The following DLGAP1 variants were observed in gnomAD, a reference collection of about 807,000 sequenced individuals.
The protein encoded by DLGAP1 is DLG associated protein 1, also known as disks large-associated protein 1.
Under a neutral mutation model 90.8 loss-of-function variants are expected in DLGAP1, and 11 were observed. The observed-to-expected ratio is 0.12, with a 90% CI of 0.08 to 0.20. The LOEUF (loss-of-function observed/expected upper bound fraction) is 0.20, where lower values mean the gene tolerates loss of function less well. DLGAP1 is among the 10% of genes least tolerant of loss of function. DLGAP1 has a pLI of 1.00. For missense variants in DLGAP1, 1,050 were observed against 1,333.8 expected (o/e 0.79, Z 3.31); for synonymous variants, 558 against 540.7 (o/e 1.03, Z -0.44).
At chr18:3,994,045 C>G (rs565025881) in intron 3 of DLGAP1, among the ~76,000 whole-genome samples, 5 of 152,230 alleles carry the variant, frequency 3.3e-5, no homozygotes, top group African/African-American at 1.2e-4. Flanking sequence ...CAGAGACCCC[C>G]TTGAAGCGTA....
At chr18:3,813,457 T>A (rs1420257430) in intron 5 of DLGAP1, among the ~76,000 whole-genome samples, 1 of 152,206 alleles carries the variant, frequency 6.6e-6, no homozygotes, top group East Asian at 1.9e-4. Context: ...TCTCAGAATG[T>A]AGCTCCGTCC....
intron 5 of DLGAP1, among the ~76,000 whole-genome samples, chr18:3,755,110 C>A (rs1187694371): frequency 2.0e-5 from 3 of 151,874 alleles, no homozygotes; most frequent in Non-Finnish European, 4.4e-5. Flanking sequence ...ATATTGTAAT[C>A]TCTGGAGTAA....
intron 7 of DLGAP1, among the ~76,000 whole-genome samples, chr18:3,663,375 G>A (rs2146629834): frequency 6.6e-6 from 1 of 152,280 alleles, no homozygotes; most frequent in South Asian, 2.1e-4. Flanking sequence ...TGAATAATTT[G>A]TGTCCAGAGG....
At chr18:4,437,678 T>C (rs547624818) in intron 1 of DLGAP1, among the ~76,000 whole-genome samples, 2 of 152,318 alleles carry the variant, frequency 1.3e-5, no homozygotes, top group South Asian at 2.1e-4. Flanking sequence ...GACTGTACAT[T>C]ATGCTGGTAT....
chr18:3,741,043 TCACCACCACCACCATCACCACCAC>T (rs1568047867), intron 6 of DLGAP1, among the ~76,000 whole-genome samples: 27 of 20,208 alleles, frequency 1.3e-3, no homozygotes, highest in African/African-American at 5.1e-3. Context: ...CACCATCACC[TCACCACCACCACCATCACCACCAC>T]CACCACCACC....
chr18:3,898,559 T>C (rs1268386950), intron 3 of DLGAP1, among the ~76,000 whole-genome samples: 1 of 152,114 alleles, frequency 6.6e-6, no homozygotes, highest in Non-Finnish European at 1.5e-5. Flanking sequence ...CTCAACACAG[T>C]GATGGGATGT....
At chr18:4,390,081 T>G (rs10084008) in intron 1 of DLGAP1, among the ~76,000 whole-genome samples, 6,431 of 152,168 alleles carry the variant, frequency 0.042, 428 homozygotes, top group African/African-American at 0.15. Flanking sequence ...AATAGTGTAT[T>G]GTATTGTTCT....
At chr18:3,944,514 T>C (rs752478653) in intron 3 of DLGAP1, among the ~76,000 whole-genome samples, 1 of 149,856 alleles carries the variant, frequency 6.7e-6, no homozygotes, top group Non-Finnish European at 1.5e-5. Context: ...AAAAAAAAAG[T>C]GCAAGGTGAC....
chr18:3,515,516 C>T (rs188891320), intron 10 of DLGAP1, among the ~76,000 whole-genome samples: 3 of 150,326 alleles, frequency 2.0e-5, no homozygotes, highest in East Asian at 2.0e-4. Flanking sequence ...TGGTGGCTCA[C>T]GCCTGTAATC....
intron 1 of DLGAP1, among the ~76,000 whole-genome samples, chr18:4,361,704 T>C (rs2081633420): frequency 6.6e-6 from 1 of 152,178 alleles, no homozygotes; most frequent in African/African-American, 2.4e-5. Context: ...TTTTTTTGAT[T>C]AACACAAAAG....
chr18:4,221,650 C>T (rs564386568), intron 1 of DLGAP1, among the ~76,000 whole-genome samples: 34 of 152,240 alleles, frequency 2.2e-4, no homozygotes, highest in African/African-American at 6.0e-4. Context: ...TGACAGTACA[C>T]GGTAGTTTGA....
At chr18:4,426,748 G>T (rs1281342910) in intron 1 of DLGAP1, among the ~76,000 whole-genome samples, 1 of 152,160 alleles carries the variant, frequency 6.6e-6, no homozygotes, top group Non-Finnish European at 1.5e-5. Flanking sequence ...GCAAATGCTA[G>T]ATATTATTAA....
chr18:4,271,865 G>A (rs1176135594), intron 1 of DLGAP1, among the ~76,000 whole-genome samples: 1 of 152,128 alleles, frequency 6.6e-6, no homozygotes, highest in African/African-American at 2.4e-5. Flanking sequence ...TAAAGCTTGA[G>A]GGAACAGGTA....
intron 3 of DLGAP1, chr18:3,962,294 A>G (rs930753317): frequency 6.6e-6 from 1 of 152,154 alleles, no homozygotes; most frequent in African/African-American, 2.4e-5. Context: ...TCGTTTCTTC[A>G]CATTAAATTT....
intron 10 of DLGAP1, among the ~76,000 whole-genome samples, chr18:3,524,885 G>A (rs1024199408): frequency 2.0e-5 from 3 of 152,154 alleles, no homozygotes; most frequent in Admixed American, 1.3e-4. Context: ...CTTGTGATCC[G>A]GAGCTGCCAT....
At chr18:3,967,133 G>A (rs2073347873) in intron 3 of DLGAP1, among the ~76,000 whole-genome samples, 1 of 152,200 alleles carries the variant, frequency 6.6e-6, no homozygotes, top group Admixed American at 6.5e-5. Context: ...TAATATGTCT[G>A]TGTAAATATG....
At chr18:3,656,989 G>A (rs992074862) in intron 7 of DLGAP1, among the ~76,000 whole-genome samples, 3 of 151,842 alleles carry the variant, frequency 2.0e-5, no homozygotes, top group East Asian at 3.9e-4. Context: ...CTTGTGATCC[G>A]CCCGCCTCAG....
chr18:4,249,342 T>C lies in DLGAP1; in HGVS notation c.-266-98055A>G, dbSNP rs977149123. 6.7e-5 allele frequency among the ~76,000 whole-genome samples: 10 copies of C among 149,340 alleles called. No homozygotes were observed. In the Admixed American group the frequency reaches 6.7e-4, roughly 10 times the overall value. On this transcript the variant is annotated intron_variant, in intron 1 of 12. Transcript: ENST00000315677. Reference sequence around the variant, plus strand: ...GAAGGATGTATGGAATTTTGTTTTTTAAAATAAAGAGACTAGATGTGAAAA... The same window carrying C: ...GAAGGATGTATGGAATTTTGTTTTTCAAAATAAAGAGACTAGATGTGAAAA...
At chr18:3,907,124 C>A (rs2071925976) in intron 3 of DLGAP1, among the ~76,000 whole-genome samples, 1 of 151,952 alleles carries the variant, frequency 6.6e-6, no homozygotes, top group Non-Finnish European at 1.5e-5. Context: ...CATGAGCATC[C>A]ATGGATGTTA....
Sources: gnomAD v4.1 joint callset for allele counts (sites outside exome capture counted in the v4.1 genomes callset) on GRCh38, gnomAD v4.1.1 for gene constraint, MANE v1.5 for transcripts, NCBI Gene and HGNC (gene_info 2026-07-23, HGNC 2026-07-21) for gene names.